The following LINGO2 variants were observed in gnomAD, a reference collection of about 807,000 sequenced individuals.
LINGO2 encodes the protein leucine rich repeat and Ig domain containing 2, also known as leucine-rich repeat and immunoglobulin-like domain-containing nogo receptor-interacting protein 2.
LINGO2 carries 14 observed loss-of-function variants against 30.6 expected under a neutral mutation model. The ratio of observed to expected loss-of-function variants is 0.46; its 90% CI spans 0.30 to 0.72. The LOEUF is 0.72. Among genes scored for constraint, LINGO2 ranks in the 30% least tolerant of loss-of-function variants. LINGO2 has a pLI of 0.07. For missense variants in LINGO2, 729 were observed against 751.7 expected (o/e 0.97, Z 0.35); for synonymous variants, 317 against 288.5 (o/e 1.10, Z -1.00).
intron 5 of LINGO2, among the ~76,000 whole-genome samples, chr9:27,991,971 C>T (rs984586687): frequency 5.3e-5 from 8 of 152,172 alleles, no homozygotes; most frequent in East Asian, 3.9e-4. Context: ...TCACCAATAT[C>T]GTACACTCAT....
intron 5 of LINGO2, among the ~76,000 whole-genome samples, chr9:28,006,572 G>T (rs1822278971): frequency 6.6e-6 from 1 of 152,028 alleles, no homozygotes; most frequent in South Asian, 2.1e-4. Flanking sequence ...AATCTAGGTT[G>T]GCCATGGAAT....
chr9:28,657,820 G>A (rs939988126), intron 1 of LINGO2, among the ~76,000 whole-genome samples: 2 of 151,472 alleles, frequency 1.3e-5, no homozygotes, highest in East Asian at 1.9e-4. Flanking sequence ...TCTTTTTCTA[G>A]TTCCTTGAGA....
intron 2 of LINGO2, among the ~76,000 whole-genome samples, chr9:28,444,163 G>C (rs920324952): frequency 6.6e-6 from 1 of 152,132 alleles, no homozygotes; most frequent in Non-Finnish European, 1.5e-5. Context: ...CTGGATATGG[G>C]ACACGAACTC....
At chr9:28,157,428 CA>C (rs1448307288) in intron 4 of LINGO2, among the ~76,000 whole-genome samples, 1 of 152,158 alleles carries the variant, frequency 6.6e-6, no homozygotes, top group East Asian at 1.9e-4. Context: ...GCCTGGCCCA[CA>C]AAACCACTTT....
intron 4 of LINGO2, among the ~76,000 whole-genome samples, chr9:28,145,127 C>A (rs991733074): frequency 3.9e-5 from 6 of 152,122 alleles, no homozygotes; most frequent in African/African-American, 1.4e-4. Context: ...GTTCTCTGAA[C>A]CAAGATTATG....
chr9:28,572,214 T>G (rs1021808932), intron 1 of LINGO2, among the ~76,000 whole-genome samples: 6 of 152,088 alleles, frequency 3.9e-5, no homozygotes, highest in Non-Finnish European at 7.4e-5. Context: ...AAGGCAACTA[T>G]CTAATTAATT....
At chr9:27,970,402 ATCTT>A (rs1820298280) in intron 5 of LINGO2, among the ~76,000 whole-genome samples, 1 of 152,212 alleles carries the variant, frequency 6.6e-6, no homozygotes, top group African/African-American at 2.4e-5. Context: ...GAAGAAACGT[ATCTT>A]TCTTTGTTCC....
intron 4 of LINGO2, among the ~76,000 whole-genome samples, chr9:28,049,297 G>A (rs1824563358): frequency 6.6e-6 from 1 of 150,844 alleles, no homozygotes; most frequent in Non-Finnish European, 1.5e-5. Flanking sequence ...TGGTCTAGTG[G>A]AGGTAGACAT....
intron 1 of LINGO2, among the ~76,000 whole-genome samples, chr9:28,632,716 AGATC>A (rs1827021616): frequency 7.2e-6 from 1 of 138,020 alleles, no homozygotes; most frequent in Non-Finnish European, 1.5e-5. Context: ...ATTTATATAT[AGATC>A]TATATATAGA....
the LINGO2 span, among the ~76,000 whole-genome samples, chr9:29,161,023 TTGTC>T: frequency 0.015 from 2,251 of 152,320 alleles, 53 homozygotes; most frequent in African/African-American, 0.049. Context: ...AGAACCAGCT[TTGTC>T]TGTCTTACAG....
chr9:28,143,461 C>G (rs1206221493), intron 4 of LINGO2, among the ~76,000 whole-genome samples: 1 of 152,106 alleles, frequency 6.6e-6, no homozygotes, highest in East Asian at 1.9e-4. Context: ...CTGATAAAAT[C>G]ACATCTGTCT....
chr9:28,315,527 C>A (rs191343880), intron 3 of LINGO2, among the ~76,000 whole-genome samples: 1 of 152,060 alleles, frequency 6.6e-6, no homozygotes, highest in African/African-American at 2.4e-5. Context: ...TTCTAGCTGA[C>A]CAGCTGTTTT....
the LINGO2 span, among the ~76,000 whole-genome samples, chr9:28,976,187 G>C: frequency 6.6e-6 from 1 of 152,068 alleles, no homozygotes; most frequent in African/African-American, 2.4e-5. Context: ...AAGGTCAGGG[G>C]GCTGCTTTCT....
chr9:29,190,368 G>C, the LINGO2 span, among the ~76,000 whole-genome samples: 3 of 152,082 alleles, frequency 2.0e-5, no homozygotes, highest in African/African-American at 4.8e-5. Flanking sequence ...ATTTGAGTAA[G>C]CTGACTTGTT....
chr9:28,467,023 T>C (rs1275783079), intron 2 of LINGO2, among the ~76,000 whole-genome samples: 1 of 140,720 alleles, frequency 7.1e-6, no homozygotes, highest in Non-Finnish European at 1.5e-5. Context: ...CCTAGCTGAC[T>C]CTCTTTTTTT....
chr9:28,792,670 T>G, the LINGO2 span, among the ~76,000 whole-genome samples: 1 of 152,168 alleles, frequency 6.6e-6, no homozygotes, highest in African/African-American at 2.4e-5. Context: ...AGTTGAATAC[T>G]ACCTTAATAA....
chr9:28,092,041 A>C (rs187026650), intron 4 of LINGO2, among the ~76,000 whole-genome samples: 1 of 152,248 alleles, frequency 6.6e-6, no homozygotes, highest in Admixed American at 6.5e-5. Context: ...AAAAGTCAGG[A>C]AACAACAGGT....
At chr9:28,448,630 G>T (rs1480287631) in intron 2 of LINGO2, among the ~76,000 whole-genome samples, 3 of 151,910 alleles carry the variant, frequency 2.0e-5, no homozygotes, top group African/African-American at 7.2e-5. Context: ...GTGAGAAAAT[G>T]GAAAGGCCTA....
chr9:28,877,153 C>T, the LINGO2 span, among the ~76,000 whole-genome samples: 20,227 of 150,436 alleles, frequency 0.13, 1,926 homozygotes, highest in African/African-American at 0.27. Flanking sequence ...GGATATTAGC[C>T]CTTTGTCAGA....
Sources: gnomAD v4.1 joint callset for allele counts (sites outside exome capture counted in the v4.1 genomes callset) on GRCh38, gnomAD v4.1.1 for gene constraint, MANE v1.5 for transcripts, NCBI Gene and HGNC (gene_info 2026-07-23, HGNC 2026-07-21) for gene names.